The following GRM8 variants were observed in gnomAD, a reference collection of about 807,000 sequenced individuals.
GRM8 encodes metabotropic glutamate receptor 8.
A neutral mutation model predicts 87.2 loss-of-function variants in GRM8; 47 were observed. That is an observed-to-expected ratio of 0.54 (90% CI 0.43 to 0.69). The LOEUF (loss-of-function observed/expected upper bound fraction) is 0.69, where lower values mean the gene tolerates loss of function less well. Ranked by LOEUF, GRM8 falls within the 30% of genes least tolerant of loss-of-function variation. The probability of loss-of-function intolerance (pLI) is 0.00; values close to 1 mark genes in which losing one functional copy is unlikely to be tolerated. For missense variants in GRM8, 1,019 were observed against 1,139.2 expected, an observed-to-expected ratio of 0.89 and a Z score of 1.52; for synonymous variants, 396 against 404.5, an observed-to-expected ratio of 0.98 and a Z score of 0.25.
At chr7:126,468,187 A>G (rs1804729669) in intron 9 of GRM8, among the ~76,000 whole-genome samples, 1 of 152,060 alleles carries the variant, frequency 6.6e-6, no homozygotes, top group African/African-American at 2.4e-5. Context: ...CTTGCCTACA[A>G]TCCCAGAGAG....
At chr7:127,000,540 T>G (rs1053823662) in intron 3 of GRM8, among the ~76,000 whole-genome samples, 1 of 151,594 alleles carries the variant, frequency 6.6e-6, no homozygotes, top group African/African-American at 2.4e-5. Context: ...CTACAAAAAT[T>G]AAAAATAAAA....
At chr7:127,202,863 C>CCTAA (rs1795689213) in intron 2 of GRM8, among the ~76,000 whole-genome samples, 1 of 152,166 alleles carries the variant, frequency 6.6e-6, no homozygotes, top group Admixed American at 6.5e-5. Flanking sequence ...GTCCCTCTGA[C>CCTAA]CTAAGGGTGA....
At chr7:126,684,527 T>C (rs536649827) in intron 7 of GRM8, among the ~76,000 whole-genome samples, 1 of 152,172 alleles carries the variant, frequency 6.6e-6, no homozygotes, top group Non-Finnish European at 1.5e-5. Flanking sequence ...TGTAGACCTG[T>C]AAGACTTCAA....
At chr7:126,922,290 A>G (rs1282902892) in intron 3 of GRM8, among the ~76,000 whole-genome samples, 1 of 152,192 alleles carries the variant, frequency 6.6e-6, no homozygotes, top group Non-Finnish European at 1.5e-5. Flanking sequence ...AATCAGAATT[A>G]TGATACAATC....
chr7:126,585,275 T>C (rs1795991051), intron 8 of GRM8, among the ~76,000 whole-genome samples: 1 of 152,184 alleles, frequency 6.6e-6, no homozygotes, highest in African/African-American at 2.4e-5. Context: ...ATTGAGGCAC[T>C]ACATATTAAA....
intron 3 of GRM8, among the ~76,000 whole-genome samples, chr7:127,042,269 G>T (rs1037668199): frequency 2.0e-5 from 3 of 152,140 alleles, no homozygotes; most frequent in Non-Finnish European, 4.4e-5. Flanking sequence ...TAAGTAACAG[G>T]ATTGCAACAG....
At chr7:126,635,353 T>C (rs958875224) in intron 7 of GRM8, among the ~76,000 whole-genome samples, 18 of 152,272 alleles carry the variant, frequency 1.2e-4, no homozygotes, top group African/African-American at 4.1e-4. Context: ...CAACTTTCTG[T>C]ATTTCCCACT....
intron 9 of GRM8, among the ~76,000 whole-genome samples, chr7:126,517,356 T>A (rs1219846735): frequency 6.6e-6 from 1 of 151,450 alleles, no homozygotes; most frequent in African/African-American, 2.4e-5. Context: ...GAAGCAGGAG[T>A]CTTAGTCAAT....
intron 3 of GRM8, among the ~76,000 whole-genome samples, chr7:127,024,062 GC>G (rs1389315030): frequency 1.3e-5 from 2 of 152,034 alleles, no homozygotes; most frequent in Non-Finnish European, 2.9e-5. Context: ...TAATAAAGTA[GC>G]TTTTTTAAAA....
At chr7:127,067,575 G>C (rs867068075) in intron 3 of GRM8, among the ~76,000 whole-genome samples, 3 of 152,120 alleles carry the variant, frequency 2.0e-5, no homozygotes, top group Non-Finnish European at 4.4e-5. Context: ...TTCTCTCTCT[G>C]AGACTGCCTA....
At chr7:126,853,327 T>A (rs1196891593) in intron 6 of GRM8, among the ~76,000 whole-genome samples, 2 of 152,138 alleles carry the variant, frequency 1.3e-5, no homozygotes, top group African/African-American at 4.8e-5. Context: ...GTTTTTTTTG[T>A]TTGTTTTTTT....
At chr7:126,637,380 T>A (rs1003451192) in intron 7 of GRM8, among the ~76,000 whole-genome samples, 3 of 152,126 alleles carry the variant, frequency 2.0e-5, no homozygotes, top group Non-Finnish European at 2.9e-5. Flanking sequence ...GTAGTAGTGA[T>A]GGTTGTTCAA....
rs546409593 is a variant in GRM8 at position 126,791,137 on chromosome 7, T to A, written c.1157-21072A>T. ...ACAATGTGCAATAATGACTTGTACA[T>A]CTCATACATGCAGTTATTACACCAG... On this transcript the variant is annotated intron_variant, in intron 6 of 10. Transcript: ENST00000339582. Among the ~76,000 whole-genome samples the A allele has an allele frequency of 3.9e-5, 6 of 152,198 alleles. No individual in the cohort carries two copies. The South Asian group carries it at 1.2e-3, about 32-fold the overall frequency.
chr7:126,476,284 A>T (rs1472871529), intron 9 of GRM8, among the ~76,000 whole-genome samples: 1 of 152,056 alleles, frequency 6.6e-6, no homozygotes, highest in Non-Finnish European at 1.5e-5. Flanking sequence ...AGCCAGGCAT[A>T]GTGGCATATG....
At chr7:126,540,265 T>C (rs1387925839) in intron 8 of GRM8, among the ~76,000 whole-genome samples, 1 of 152,050 alleles carries the variant, frequency 6.6e-6, no homozygotes, top group Non-Finnish European at 1.5e-5. Context: ...CTAGGACTAT[T>C]ATAATAAAAA....
At chr7:126,633,151 T>C (rs1043924699) in intron 7 of GRM8, among the ~76,000 whole-genome samples, 3 of 152,102 alleles carry the variant, frequency 2.0e-5, no homozygotes, top group South Asian at 2.1e-4. Flanking sequence ...GGCTAATATA[T>C]GCAAATTTTA....
intron 2 of GRM8, among the ~76,000 whole-genome samples, chr7:127,184,273 TACA>T (rs1025180090): frequency 1.1e-4 from 17 of 151,720 alleles, no homozygotes; most frequent in African/African-American, 3.4e-4. Flanking sequence ...GCAAATCAAA[TACA>T]ACAATATATA....
chr7:126,988,676 T>C (rs1159707829), intron 3 of GRM8, among the ~76,000 whole-genome samples: 2 of 152,250 alleles, frequency 1.3e-5, no homozygotes, highest in Non-Finnish European at 2.9e-5. Flanking sequence ...GAGTTCTTAG[T>C]ATGTACAGTA....
chr7:126,943,718 G>A (rs544205905), intron 3 of GRM8, among the ~76,000 whole-genome samples: 30 of 152,280 alleles, frequency 2.0e-4, no homozygotes, highest in South Asian at 8.3e-4. Context: ...TGAGGCAGCC[G>A]AAATTAGGAC....
Sources: gnomAD v4.1 joint callset for allele counts (sites outside exome capture counted in the v4.1 genomes callset) on GRCh38, gnomAD v4.1.1 for gene constraint, MANE v1.5 for transcripts, NCBI Gene and HGNC (gene_info 2026-07-23, HGNC 2026-07-21) for gene names.